Variants in CPNE4 observed in about 807,000 individuals in gnomAD.
CPNE4 encodes the protein copine-4.
In CPNE4, 25 loss-of-function variants were observed where a neutral mutation model predicts 67.9. The observed-to-expected ratio is 0.37, with a 90% CI of 0.27 to 0.51. The LOEUF (loss-of-function observed/expected upper bound fraction) is 0.51. Ranked by LOEUF, CPNE4 falls within the 20% of genes least tolerant of loss-of-function variation. CPNE4 has a pLI of 0.93. For missense variants in CPNE4, 464 were observed against 690.8 expected, an observed-to-expected ratio of 0.67 and a Z score of 3.68; for synonymous variants, 242 against 244.9, an observed-to-expected ratio of 0.99 and a Z score of 0.11.
At chr3:131,684,918 T>C (rs2080851730) in intron 6 of CPNE4, among the ~76,000 whole-genome samples, 1 of 152,082 alleles carries the variant, frequency 6.6e-6, no homozygotes, top group Admixed American at 6.5e-5. Flanking sequence ...TGGGGCCACT[T>C]GGAGAAAGAA....
At chr3:131,722,291 C>G (rs1316564639) in intron 3 of CPNE4, among the ~76,000 whole-genome samples, 1 of 152,102 alleles carries the variant, frequency 6.6e-6, no homozygotes, top group Admixed American at 6.5e-5. Context: ...TTTGGAATCT[C>G]TCTTTGAGAA....
chr3:131,765,858 G>A (rs2082998997), intron 2 of CPNE4, among the ~76,000 whole-genome samples: 1 of 151,990 alleles, frequency 6.6e-6, no homozygotes, highest in African/African-American at 2.4e-5. Context: ...TATGAGGAAG[G>A]GGAAGCTTCA....
intron 2 of CPNE4, among the ~76,000 whole-genome samples, chr3:131,902,713 A>G (rs1560569883): frequency 6.6e-6 from 1 of 152,166 alleles, no homozygotes; most frequent in Non-Finnish European, 1.5e-5. Context: ...ATAAATATGT[A>G]CAAATAATAG....
chr3:131,939,896 G>C (rs1403039521), intron 1 of CPNE4, among the ~76,000 whole-genome samples: 5 of 152,076 alleles, frequency 3.3e-5, no homozygotes, highest in Non-Finnish European at 5.9e-5. Flanking sequence ...CGTTCAGGTA[G>C]GTATTAATAG....
chr3:131,803,514 C>T (rs1431150634), intron 2 of CPNE4, among the ~76,000 whole-genome samples: 2 of 152,214 alleles, frequency 1.3e-5, no homozygotes, highest in Non-Finnish European at 2.9e-5. Context: ...TAAGAATACT[C>T]TGAAGGCATA....
At chr3:131,976,487 T>C (rs919754516) in intron 1 of CPNE4, among the ~76,000 whole-genome samples, 8 of 152,102 alleles carry the variant, frequency 5.3e-5, no homozygotes, top group African/African-American at 7.2e-5. Context: ...GTGAAGATTT[T>C]AAAAAGTAGA....
At chr3:131,963,400 TC>T (rs2072242167) in intron 1 of CPNE4, among the ~76,000 whole-genome samples, 1 of 151,562 alleles carries the variant, frequency 6.6e-6, no homozygotes, top group Non-Finnish European at 1.5e-5. Context: ...AACCGTTCAC[TC>T]CCTTGGAAAG....
chr3:131,691,640 G>A (rs1395206495), intron 5 of CPNE4, among the ~76,000 whole-genome samples: 1 of 152,022 alleles, frequency 6.6e-6, no homozygotes, highest in Non-Finnish European at 1.5e-5. Flanking sequence ...CCAAACCTCA[G>A]TGTCATGCAA....
intron 7 of CPNE4, among the ~76,000 whole-genome samples, chr3:131,645,726 A>C (rs2079647775): frequency 6.6e-6 from 1 of 152,214 alleles, no homozygotes; most frequent in Non-Finnish European, 1.5e-5. Flanking sequence ...CCAATAATGC[A>C]TTTCTAAAAT....
At chr3:131,667,715 C>G (rs1230295213) in intron 7 of CPNE4, among the ~76,000 whole-genome samples, 1 of 151,700 alleles carries the variant, frequency 6.6e-6, no homozygotes, top group African/African-American at 2.4e-5. Context: ...CATCTATTTC[C>G]TTACCTCCTA....
chr3:131,997,776 A>C (rs906772272), intron 1 of CPNE4, among the ~76,000 whole-genome samples: 1 of 152,148 alleles, frequency 6.6e-6, no homozygotes. Context: ...ATTGATGGCA[A>C]CAAAGCGGCC....
chr3:131,969,818 C>T (rs1468310477), intron 1 of CPNE4, among the ~76,000 whole-genome samples: 4 of 152,188 alleles, frequency 2.6e-5, no homozygotes, highest in Non-Finnish European at 5.9e-5. Context: ...CAAAAGCATG[C>T]ACTTTGAAAT....
chr3:131,792,337 A>C lies in CPNE4; in HGVS notation c.181-68712T>G, dbSNP rs868529816. 3.9e-5 allele frequency among the ~76,000 whole-genome samples: 6 copies of C among 151,996 alleles called. No individual in the cohort carries two copies. In the South Asian group the frequency reaches 1.2e-3, roughly 32 times the overall value. On this transcript the variant is annotated intron_variant, in intron 2 of 15. Coordinates refer to ENST00000429747, the MANE Select transcript of CPNE4 (RefSeq NM_130808.3). ...ATACCAGTGTAAGAGTGTTCTGCAC[A>C]GAGTATTTATACTCAATTTTAATTC...
intron 2 of CPNE4, among the ~76,000 whole-genome samples, chr3:131,882,745 G>A (rs1288714091): frequency 4.4e-5 from 5 of 114,790 alleles, no homozygotes; most frequent in African/African-American, 1.1e-4. Context: ...TTTTTGAGAC[G>A]GAGTCTCGCT....
At position 131,534,775 on chromosome 3, in the gene CPNE4, TAA is replaced by T. The variant is rs149876719; in HGVS notation, c.*418_*419del. 0.017 allele frequency: 2,543 copies of T among 153,874 alleles called. 78 individuals carry two copies. The highest frequency in any genetic ancestry group is 0.057 in the African/African-American group (2,390 of 41,596). The allele number at this position is 153,874 out of a possible 1,614,324, so 9.5% of individuals were successfully genotyped here. ...AATACAGTCCATGCATCTGCCATTT[TAA>T]AAAGTCTCTCATCCTATAGCAGATA... On this transcript the variant is annotated 3_prime_UTR_variant, in exon 16 of 16. Transcript: ENST00000429747.
In CPNE4 at chr3:132,024,663, T is replaced by C. The variant is rs553311545; in HGVS notation, c.-2+9904A>G. On this transcript the variant is annotated intron_variant, in intron 1 of 15. Transcript: ENST00000429747. ...ATCCAGAAGGTCAGGATTATGTCTG[T>C]TTCGTTCATCCCACATTACCAAAGT... Among the ~76,000 whole-genome samples the C allele has an allele frequency of 2.6e-5, 4 of 152,276 alleles. No individual in the cohort carries two copies. In the East Asian group the frequency reaches 7.7e-4, roughly 29 times the overall value.
At chr3:131,670,647 C>T (rs1005862259) in intron 6 of CPNE4, among the ~76,000 whole-genome samples, 3 of 152,158 alleles carry the variant, frequency 2.0e-5, no homozygotes, top group African/African-American at 7.2e-5. Context: ...CTAGTCCCCA[C>T]CCAGAACTAC....
intron 2 of CPNE4, among the ~76,000 whole-genome samples, chr3:131,847,001 CAA>C (rs575556552): frequency 1.6e-4 from 25 of 152,178 alleles, no homozygotes; most frequent in Non-Finnish European, 3.2e-4. Flanking sequence ...GGAGGGAAGT[CAA>C]AGTCATATCG....
chr3:131,972,408 G>T (rs545618703), intron 1 of CPNE4, among the ~76,000 whole-genome samples: 2 of 152,282 alleles, frequency 1.3e-5, no homozygotes, highest in African/African-American at 4.8e-5. Context: ...CAGAGAGCTA[G>T]AACAAATGCC....
Sources: allele counts gnomAD v4.1 joint callset (sites outside exome capture counted in the v4.1 genomes callset), GRCh38; gene constraint gnomAD v4.1.1; transcripts MANE v1.5; gene names NCBI Gene and HGNC (gene_info 2026-07-23, HGNC 2026-07-21).